The following DERA variants were observed in gnomAD, a reference collection of about 807,000 sequenced individuals.
DERA encodes the protein deoxyribose-phosphate aldolase.
A neutral mutation model predicts 41.1 loss-of-function variants in DERA; 15 were observed. The ratio of observed to expected loss-of-function variants is 0.37; its 90% CI spans 0.24 to 0.56. The LOEUF (loss-of-function observed/expected upper bound fraction) is 0.56. Ranked by LOEUF, DERA falls within the 20% of genes least tolerant of loss-of-function variation. The probability of loss-of-function intolerance (pLI) is 0.81; values close to 1 mark genes in which losing one functional copy is unlikely to be tolerated. For synonymous variants in DERA, 139 were observed against 137.4 expected (o/e 1.01, Z -0.08); for missense variants, 396 against 403.4 (o/e 0.98, Z 0.16).
In DERA at chr12:15,993,556, A is replaced by G. The variant is rs1383399927; in HGVS notation, c.637+11120A>G. On this transcript the variant is annotated intron_variant, in intron 6 of 8. Coordinates refer to ENST00000428559, the MANE Select transcript of DERA (RefSeq NM_015954.4). This position sits in a 1 kb window ranked among gnomAD's most constrained non-coding sequence, Gnocchi z 4.4. ...CATTTAATTTATGAAAAGGTATGCT[A>G]CAACTGAAACTTCATCACTGGGGAA... Among the ~76,000 whole-genome samples the G allele has an allele frequency of 6.6e-6, 1 of 151,794 alleles. No individual in the cohort carries two copies. The highest frequency in any genetic ancestry group is 2.4e-5 in the African/African-American group (1 of 41,312).
rs1948807940 is a variant in DERA at position 15,992,347 on chromosome 12, G to T, written c.637+9911G>T. 6.6e-6 allele frequency among the ~76,000 whole-genome samples: 1 copy of T among 152,082 alleles called. No homozygotes were observed. Among genetic ancestry groups the T allele is most frequent in the South Asian group, 2.1e-4 (1 of 4,832 alleles). On this transcript the variant is annotated intron_variant, in intron 6 of 8. Coordinates refer to ENST00000428559, the MANE Select transcript of DERA (RefSeq NM_015954.4). This position sits in a 1 kb window ranked among gnomAD's most constrained non-coding sequence, Gnocchi z 4.3. ...ATTTTAGAGGGCAACTCTTATTTTAGTTGAACAAAAAGAGAGACAATTTAT... is the reference window on the plus strand; with the variant it reads ...ATTTTAGAGGGCAACTCTTATTTTATTTGAACAAAAAGAGAGACAATTTAT...
At position 15,941,793 on chromosome 12, in the gene DERA, T is replaced by G. The variant is rs186004853; in HGVS notation, c.32-15143T>G. On this transcript the variant is annotated intron_variant, in intron 1 of 8. Coordinates refer to ENST00000428559, the MANE Select transcript of DERA (RefSeq NM_015954.4). This position sits in a 1 kb window ranked among gnomAD's most constrained non-coding sequence, Gnocchi z 4.5. ...TTGATTCATGGGCACTTAGGTTGAT[T>G]CCGTATCTTTGCATTTGCAAAATGT... is the stretch of plus-strand genomic sequence containing the variant. 1.3e-5 allele frequency among the ~76,000 whole-genome samples: 2 copies of G among 152,246 alleles called. No homozygotes were observed. The highest frequency in any genetic ancestry group is 2.9e-5 in the Non-Finnish European group (2 of 68,040).
chr12:15,991,239 C>G (rs1948800128), intron 6 of DERA, among the ~76,000 whole-genome samples: 1 of 152,108 alleles, frequency 6.6e-6, no homozygotes, highest in Admixed American at 6.5e-5. Context: ...TGATTGTTGG[C>G]CACATGTATG....
At position 15,995,492 on chromosome 12, in the gene DERA, G is replaced by T. The variant is rs1335153499; in HGVS notation, c.637+13056G>T. Reference sequence around the variant, plus strand: ...TGCACTTAGAAAATTAACCAGGGTTGTGATACAACTGCCACTTGAGTTCTG... The same window carrying T: ...TGCACTTAGAAAATTAACCAGGGTTTTGATACAACTGCCACTTGAGTTCTG... On this transcript the variant is annotated intron_variant, in intron 6 of 8. Transcript: ENST00000428559. The surrounding 1 kb of genome is among the most constrained non-coding windows in gnomAD (Gnocchi z 5.1). 1.3e-5 allele frequency among the ~76,000 whole-genome samples: 2 copies of T among 152,220 alleles called. No homozygotes were observed. The highest frequency in any genetic ancestry group is 2.4e-5 in the African/African-American group (1 of 41,454).
chr12:15,933,475 C>T (rs896246440), intron 1 of DERA, among the ~76,000 whole-genome samples: 6 of 152,084 alleles, frequency 3.9e-5, no homozygotes, highest in Non-Finnish European at 5.9e-5. Flanking sequence ...GTTTGTTATA[C>T]CAAATTGGCA....
At chr12:15,997,805 T>C (rs1948849199) in intron 6 of DERA, among the ~76,000 whole-genome samples, 2 of 152,210 alleles carry the variant, frequency 1.3e-5, no homozygotes, top group Non-Finnish European at 2.9e-5. Context: ...CAAAAATCAC[T>C]AAAAGGTGTT....
intron 5 of DERA, chr12:15,971,890 T>C (rs1948663362): frequency 6.2e-6 from 2 of 323,924 alleles, no homozygotes; most frequent in South Asian, 6.6e-5. Flanking sequence ...TGGAGCACAG[T>C]CAATCTTCAG....
chr12:15,997,322 A>C (rs1382644489), intron 6 of DERA, among the ~76,000 whole-genome samples: 1 of 152,232 alleles, frequency 6.6e-6, no homozygotes, highest in African/African-American at 2.4e-5. Context: ...TGTTTAAAAA[A>C]AATATTTGCA....
At position 16,003,316 on chromosome 12, in the gene DERA, T is replaced by G. The variant is rs1280620468; in HGVS notation, c.637+20880T>G. Among the ~76,000 whole-genome samples, 1 of 152,186 alleles carries G rather than the reference T, an allele frequency of 6.6e-6. No homozygotes were observed. The highest frequency in any genetic ancestry group is 1.5e-5 in the Non-Finnish European group (1 of 68,026). ...CCTACCGTACTCCATTGCGACCTCA[T>G]ATTGACTAATTATATCTGCAAGCAC... is the stretch of plus-strand genomic sequence containing the variant. On this transcript the variant is annotated intron_variant, in intron 6 of 8. Transcript: ENST00000428559. This position sits in a 1 kb window ranked among gnomAD's most constrained non-coding sequence, Gnocchi z 4.8.
Position 16,021,256 on chromosome 12 carries a change from C to T in DERA, c.638-11286C>T, listed in dbSNP as rs1949015309. Among the ~76,000 whole-genome samples, 1 of 152,228 alleles carries T rather than the reference C, an allele frequency of 6.6e-6. No homozygotes were observed. Among genetic ancestry groups the T allele is most frequent in the Non-Finnish European group, 1.5e-5 (1 of 68,042 alleles). On this transcript the variant is annotated intron_variant, in intron 6 of 8. Coordinates refer to ENST00000428559, the MANE Select transcript of DERA (RefSeq NM_015954.4). This position sits in a 1 kb window ranked among gnomAD's most constrained non-coding sequence, Gnocchi z 5.3. ...CCAGAGCCCTACTGCCTTGCACAGC[C>T]TCAGTATGCTGCCACCAGAATCCTA...
At chr12:15,932,641 A>T (rs181518547) in intron 1 of DERA, among the ~76,000 whole-genome samples, 2,468 of 140,566 alleles carry the variant, frequency 0.018, 73 homozygotes, top group African/African-American at 0.068. Context: ...GAACCTGTTT[A>T]AAAAAAAAAA....
rs140422130 is a variant in DERA at position 15,968,909 on chromosome 12, T to C, written c.508+5962T>C. 6.1e-3 allele frequency among the ~76,000 whole-genome samples: 928 copies of C among 152,316 alleles called. 34 individuals carry two copies. The highest frequency in any genetic ancestry group is 0.05 in the Admixed American group (769 of 15,292). On this transcript the variant is annotated intron_variant, in intron 5 of 8. Transcript: ENST00000428559. ...CTCTAAAGATTTGGGTTTTAGTCTT[T>C]ATGATTTTGATAATTTATACCTAGA...
rs542041176 is a variant in DERA, at chr12:16,021,246, C to G, written c.638-11296C>G. 6.6e-6 allele frequency among the ~76,000 whole-genome samples: 1 copy of G among 152,360 alleles called. No homozygotes were observed. The highest frequency in any genetic ancestry group is 1.5e-5 in the Non-Finnish European group (1 of 68,034). ...GGGGACAGGCCCAGAGCCCTACTGC[C>G]TTGCACAGCCTCAGTATGCTGCCAC... On this transcript the variant is annotated intron_variant, in intron 6 of 8. Coordinates refer to ENST00000428559, the MANE Select transcript of DERA (RefSeq NM_015954.4). The surrounding 1 kb of genome is among the most constrained non-coding windows in gnomAD (Gnocchi z 5.3).
At chr12:15,951,276 CA>C in intron 1 of DERA, 1 of 152,256 alleles carries the variant, frequency 6.6e-6, no homozygotes, top group South Asian at 2.1e-4. Flanking sequence ...ATATAATTAT[CA>C]GTTTCTACCT....
At position 15,940,500 on chromosome 12, in the gene DERA, T is replaced by C. The variant is rs905235330; in HGVS notation, c.32-16436T>C. The stretch of plus-strand genomic sequence containing the variant: ...TCGAGTAGCTGGGACTACAGGCGCA[T>C]GCCACCACACCTGGCTGATTTTTTG... On this transcript the variant is annotated intron_variant, in intron 1 of 8. Coordinates refer to ENST00000428559, the MANE Select transcript of DERA (RefSeq NM_015954.4). The surrounding 1 kb of genome is among the most constrained non-coding windows in gnomAD (Gnocchi z 5.1). 6.6e-6 allele frequency among the ~76,000 whole-genome samples: 1 copy of C among 152,048 alleles called. No individual in the cohort carries two copies. The highest frequency in any genetic ancestry group is 1.5e-5 in the Non-Finnish European group (1 of 68,006).
rs191513698 is a variant in DERA at position 15,911,729 on chromosome 12, C to A, written c.31+315C>A. The A allele has an allele frequency of 1.6e-6, 1 of 631,840 alleles. No homozygotes were observed. The highest frequency in any genetic ancestry group is 1.8e-5 in the African/African-American group (1 of 55,668). The allele number at this position is 631,840 out of a possible 1,614,324, so 39.1% of individuals were successfully genotyped here. A position where few individuals can be genotyped will look rare whatever the true frequency, so the allele number is the denominator to read the frequency against. ...AAACCCAACAACCCAAAAAACAAAACCCAAAACAAACAACCCCCAAGCAGG... is the reference window on the plus strand; with the variant it reads ...AAACCCAACAACCCAAAAAACAAAAACCAAAACAAACAACCCCCAAGCAGG... On this transcript the variant is annotated intron_variant, in intron 1 of 8. Transcript: ENST00000428559. The surrounding 1 kb of genome is among the most constrained non-coding windows in gnomAD (Gnocchi z 4.5).
At chr12:16,029,355 G>A (rs977323177) in intron 6 of DERA, among the ~76,000 whole-genome samples, 5 of 152,080 alleles carry the variant, frequency 3.3e-5, no homozygotes, top group African/African-American at 1.2e-4. Flanking sequence ...CCCGGGAGGC[G>A]GAGCTTGCTT....
intron 1 of DERA, among the ~76,000 whole-genome samples, chr12:15,917,443 T>A (rs1479212623): frequency 6.6e-6 from 1 of 152,246 alleles, no homozygotes; most frequent in African/African-American, 2.4e-5. Context: ...TAATATTTAA[T>A]ACTTAACATA....
At position 15,985,163 on chromosome 12, in the gene DERA, T is replaced by A. The variant is rs1012424418; in HGVS notation, c.637+2727T>A. 1 of 152,322 alleles carries A rather than the reference T, an allele frequency of 6.6e-6. No individual in the cohort carries two copies. Among genetic ancestry groups the A allele is most frequent in the Non-Finnish European group, 1.5e-5 (1 of 68,078 alleles). The allele number at this position is 152,322 out of a possible 1,614,324, so 9.4% of individuals were successfully genotyped here. On this transcript the variant is annotated intron_variant, in intron 6 of 8. Coordinates refer to ENST00000428559, the MANE Select transcript of DERA (RefSeq NM_015954.4). The surrounding 1 kb of genome is among the most constrained non-coding windows in gnomAD (Gnocchi z 4.2). ...TCGCCTCCACTCAGCTCACCTGCTG[T>A]CCCCGCTGCAACCACTTTTCTACTT...
Sources: allele counts gnomAD v4.1 joint callset (sites outside exome capture counted in the v4.1 genomes callset), GRCh38; gene constraint gnomAD v4.1.1; non-coding constraint Gnocchi (gnomAD v3.1); transcripts MANE v1.5; gene names NCBI Gene and HGNC (gene_info 2026-07-23, HGNC 2026-07-21).